The following SPATS2 variants were observed in gnomAD, a reference collection of about 807,000 sequenced individuals.
SPATS2 encodes the protein spermatogenesis-associated serine-rich protein 2.
SPATS2 carries 38 observed loss-of-function variants against 63.7 expected under a neutral mutation model. That is an observed-to-expected ratio of 0.60 (90% CI 0.46 to 0.78). The LOEUF (loss-of-function observed/expected upper bound fraction) is 0.78, where lower values mean the gene tolerates loss of function less well. SPATS2 is among the 30% of genes least tolerant of loss of function. SPATS2 has a pLI of 0.00. For missense variants in SPATS2, 588 were observed against 666.2 expected (o/e 0.88, Z 1.29); for synonymous variants, 207 against 232.9 (o/e 0.89, Z 1.01).
At chr12:49,418,443 G>A (rs1184513281) in intron 2 of SPATS2, among the ~76,000 whole-genome samples, 2 of 151,984 alleles carry the variant, frequency 1.3e-5, no homozygotes, top group Non-Finnish European at 2.9e-5. Context: ...GGGATTACAG[G>A]TGCCTGCCAC....
intron 7 of SPATS2, among the ~76,000 whole-genome samples, chr12:49,495,826 A>G (rs1946455742): frequency 6.6e-6 from 1 of 152,252 alleles, no homozygotes; most frequent in African/African-American, 2.4e-5. Context: ...AAGACCCAAC[A>G]TAGTGAGAAA....
chr12:49,508,636 T>C (rs1946692857), intron 9 of SPATS2, among the ~76,000 whole-genome samples: 1 of 152,188 alleles, frequency 6.6e-6, no homozygotes, highest in African/African-American at 2.4e-5. Flanking sequence ...GATCCCACTT[T>C]GTTACCCAGT....
intron 2 of SPATS2, among the ~76,000 whole-genome samples, chr12:49,420,909 A>T (rs1944969243): frequency 6.6e-6 from 1 of 152,194 alleles, no homozygotes; most frequent in Non-Finnish European, 1.5e-5. Flanking sequence ...CCGGAGGCTG[A>T]GATGGGAGGA....
rs59350335 is a variant in SPATS2 at position 49,467,044 on chromosome 12, G to GTTTTTT, written c.25+6028_25+6033dup. Reference sequence around the variant, plus strand: ...TTTATTGTTAAATAATTTGTTCTTTGTTTTTTTTTTTTTTTTTTTTTTTTT... The same window carrying GTTTTTT: ...TTTATTGTTAAATAATTTGTTCTTTGTTTTTTTTTTTTTTTTTTTTTTTTTTTTTTT... On this transcript the variant is annotated intron_variant, in intron 3 of 13. Transcript: ENST00000552918. Among the ~76,000 whole-genome samples the GTTTTTT allele has an allele frequency of 3.3e-4, 25 of 75,768 alleles. 2 individuals are homozygous for GTTTTTT. The highest frequency in any genetic ancestry group is 1.0e-3 in the African/African-American group (20 of 19,630). 49.7% of individuals were successfully genotyped at this position (75,768 alleles called of 152,430 possible).
At chr12:49,389,774 G>A in intron 2 of SPATS2, 1 of 1,252,472 alleles carries the variant, frequency 8.0e-7, no homozygotes, top group East Asian at 2.3e-5. Flanking sequence ...GAAAAGAATT[G>A]CGTACATCCC....
At chr12:49,478,220 A>G (rs1946151444) in intron 3 of SPATS2, among the ~76,000 whole-genome samples, 1 of 151,858 alleles carries the variant, frequency 6.6e-6, no homozygotes, top group Admixed American at 6.6e-5. Context: ...CTCAGGCGAT[A>G]CTCCTATCTT....
intron 9 of SPATS2, among the ~76,000 whole-genome samples, chr12:49,511,930 T>C (rs7975712): frequency 0.34 from 51,684 of 152,066 alleles, 12,518 homozygotes; most frequent in African/African-American, 0.69. Flanking sequence ...AAGGATGGTA[T>C]AATGACAGTG....
At position 49,442,786 on chromosome 12, in the gene SPATS2, TAAAAAAAAAAA is replaced by T. The variant is rs71439499; in HGVS notation, c.-243-17958_-243-17948del. ...GCAACAGAGAGAGACCATGTCTCCT[TAAAAAAAAAAA>T]AAAAAAAAAAAAAAAAAAAAAAAAA... On this transcript the variant is annotated intron_variant, in intron 2 of 13. Transcript: ENST00000552918. The T allele has an allele frequency of 1.7e-3, 45 of 27,152 alleles. 1 individual carries two copies. The highest frequency in any genetic ancestry group is 0.048 in the Middle Eastern group (2 of 42). 1.7% of individuals were successfully genotyped at this position (27,152 alleles called of 1,614,324 possible). A position where few individuals can be genotyped will look rare whatever the true frequency, so the allele number is the denominator to read the frequency against.
chr12:49,389,611 A>AAC (rs1944384383), intron 2 of SPATS2: 1 of 1,115,740 alleles, frequency 9.0e-7, no homozygotes, highest in Non-Finnish European at 1.4e-6. Flanking sequence ...TGATTGAGCA[A>AAC]ACCACAGCTC....
At chr12:49,413,558 T>C (rs934913447) in intron 2 of SPATS2, among the ~76,000 whole-genome samples, 6 of 151,906 alleles carry the variant, frequency 3.9e-5, no homozygotes, top group African/African-American at 1.2e-4. Flanking sequence ...TTCAGTCTGC[T>C]CTCTGGTCAC....
chr12:49,385,864 TTTG>T (rs1311693889), intron 2 of SPATS2, among the ~76,000 whole-genome samples: 5 of 79,518 alleles, frequency 6.3e-5, no homozygotes, highest in Admixed American at 9.8e-5. Flanking sequence ...TGTTTGTTTG[TTTG>T]TTTTTTGTTT....
At chr12:49,452,549 G>A (rs1459477312) in intron 2 of SPATS2, among the ~76,000 whole-genome samples, 3 of 152,110 alleles carry the variant, frequency 2.0e-5, no homozygotes, top group Admixed American at 1.3e-4. Flanking sequence ...AAATGCTGGA[G>A]TTATAGGCAT....
At chr12:49,415,566 C>G (rs954787163) in intron 2 of SPATS2, among the ~76,000 whole-genome samples, 4 of 152,140 alleles carry the variant, frequency 2.6e-5, no homozygotes, top group Admixed American at 2.6e-4. Context: ...ATCTCCTTAT[C>G]TAGTCTGTCA....
intron 13 of SPATS2, 75 bp from the exon 14 acceptor site, chr12:49,525,869 A>G: frequency 6.7e-7 from 1 of 1,487,454 alleles, no homozygotes. Context: ...CTGCTTTCAG[A>G]ATACTCCTGT....
intron 2 of SPATS2, among the ~76,000 whole-genome samples, chr12:49,388,283 C>A (rs868509168): frequency 6.6e-5 from 10 of 152,004 alleles, no homozygotes; most frequent in Non-Finnish European, 1.3e-4. Flanking sequence ...TAAATGTAAT[C>A]TTTTCATATT....
intron 3 of SPATS2, among the ~76,000 whole-genome samples, chr12:49,480,382 C>G (rs144403751): frequency 3.3e-5 from 5 of 152,128 alleles, no homozygotes; most frequent in African/African-American, 1.2e-4. Flanking sequence ...AATTTTCACT[C>G]CATAATAATG....
intron 2 of SPATS2, chr12:49,390,056 T>C: frequency 9.4e-7 from 1 of 1,063,764 alleles, no homozygotes; most frequent in Non-Finnish European, 1.5e-6. Flanking sequence ...AGAGAGATCC[T>C]ATAAATAACT....
At chr12:49,436,244 C>T (rs1289711349) in intron 2 of SPATS2, among the ~76,000 whole-genome samples, 65 of 148,580 alleles carry the variant, frequency 4.4e-4, no homozygotes, top group African/African-American at 1.1e-3. Flanking sequence ...CCTCACCTCC[C>T]GGACGGGGCG....
At chr12:49,408,612 G>A (rs1944739998) in intron 2 of SPATS2, among the ~76,000 whole-genome samples, 2 of 121,438 alleles carry the variant, frequency 1.6e-5, no homozygotes, top group Non-Finnish European at 3.5e-5. Flanking sequence ...CTGGAGTGCA[G>A]TGGTGCAATC....
Sources: gnomAD v4.1 joint callset for allele counts (sites outside exome capture counted in the v4.1 genomes callset) on GRCh38, gnomAD v4.1.1 for gene constraint, MANE v1.5 for transcripts, NCBI Gene and HGNC (gene_info 2026-07-23, HGNC 2026-07-21) for gene names.